CSMD1: variants seen among roughly 807,000 people sequenced by gnomAD.
CSMD1 encodes the protein CUB and sushi domain-containing protein 1.
CSMD1 carries 213 observed loss-of-function variants against 417.5 expected under a neutral mutation model. The ratio of observed to expected loss-of-function variants is 0.51; its 90% confidence interval spans 0.46 to 0.57. The LOEUF (loss-of-function observed/expected upper bound fraction) is 0.57, where lower values mean the gene tolerates loss of function less well. Among genes scored for constraint, CSMD1 ranks in the 20% least tolerant of loss-of-function variants. The probability of loss-of-function intolerance (pLI) is 0.00; values close to 1 mark genes in which losing one functional copy is unlikely to be tolerated. For synonymous variants in CSMD1, 2,862 were observed against 1,736.8 expected (o/e 1.65, Z -16.11); for missense variants, 6,923 against 4,529.7 (o/e 1.53, Z -15.17).
chr8:4,911,924 A>G (rs993809722), intron 1 of CSMD1, among the ~76,000 whole-genome samples: 3 of 152,142 alleles, frequency 2.0e-5, no homozygotes, highest in Non-Finnish European at 4.4e-5. Flanking sequence ...TTGTGGCAAC[A>G]TATTTTAGCT....
chr8:3,032,830 C>T (rs1205107684), intron 50 of CSMD1, among the ~76,000 whole-genome samples: 1 of 152,006 alleles, frequency 6.6e-6, no homozygotes, highest in African/African-American at 2.4e-5. Flanking sequence ...CTTGCACACC[C>T]TTAAAAGAAT....
chr8:4,043,734 A>G (rs1798008817), intron 3 of CSMD1, among the ~76,000 whole-genome samples: 1 of 152,204 alleles, frequency 6.6e-6, no homozygotes, highest in Non-Finnish European at 1.5e-5. Flanking sequence ...TTTATTACTA[A>G]TAGATACTAT....
intron 3 of CSMD1, among the ~76,000 whole-genome samples, chr8:4,253,723 C>T (rs1803243262): frequency 6.6e-6 from 1 of 151,482 alleles, no homozygotes; most frequent in Admixed American, 6.6e-5. Flanking sequence ...CTTAACTACA[C>T]ACATCAATTT....
intron 1 of CSMD1, among the ~76,000 whole-genome samples, chr8:4,789,514 A>T (rs946998286): frequency 6.6e-6 from 1 of 152,130 alleles, no homozygotes; most frequent in Non-Finnish European, 1.5e-5. Flanking sequence ...CACCTCACCT[A>T]TATAATTTTA....
intron 5 of CSMD1, among the ~76,000 whole-genome samples, chr8:3,964,038 T>G (rs1812510871): frequency 6.6e-6 from 1 of 152,232 alleles, no homozygotes; most frequent in Admixed American, 6.5e-5. Flanking sequence ...TTGCATAAAT[T>G]ACTTTCATTG....
At chr8:3,142,287 T>C (rs912972235) in intron 41 of CSMD1, among the ~76,000 whole-genome samples, 178 bp downstream of exon 41, 6 of 152,190 alleles carry the variant, frequency 3.9e-5, no homozygotes, top group Admixed American at 3.3e-4. Context: ...GTCTGTGTCC[T>C]TACCTCTGTT....
At chr8:4,792,528 G>A (rs1390456461) in intron 1 of CSMD1, among the ~76,000 whole-genome samples, 1 of 152,074 alleles carries the variant, frequency 6.6e-6, no homozygotes, top group Non-Finnish European at 1.5e-5. Context: ...TGTGCTTTGG[G>A]TGATCACGCA....
intron 5 of CSMD1, among the ~76,000 whole-genome samples, chr8:3,913,545 T>C (rs998771115): frequency 8.5e-5 from 13 of 152,144 alleles, no homozygotes; most frequent in Non-Finnish European, 1.8e-4. Flanking sequence ...TAGGTGCAAG[T>C]AATAATAAGG....
intron 2 of CSMD1, among the ~76,000 whole-genome samples, chr8:4,612,567 T>G: frequency 6.6e-6 from 1 of 152,144 alleles, no homozygotes; most frequent in South Asian, 2.1e-4. Flanking sequence ...GGAGGAACAG[T>G]GGAATGAATG....
At chr8:3,488,385 G>A (rs80123459) in intron 11 of CSMD1, among the ~76,000 whole-genome samples, 7,472 of 152,118 alleles carry the variant, frequency 0.049, 244 homozygotes, top group Non-Finnish European at 0.074. Context: ...CGGGATTATA[G>A]GCGTATACCA....
chr8:4,323,175 A>G (rs1210299982), intron 3 of CSMD1, among the ~76,000 whole-genome samples: 2 of 152,198 alleles, frequency 1.3e-5, no homozygotes, highest in South Asian at 4.1e-4. Context: ...TGGTTATACA[A>G]TTCTAATTTC....
chr8:4,845,232 T>C lies in CSMD1; in HGVS notation c.85+149100A>G, dbSNP rs151093870. Among the ~76,000 whole-genome samples the C allele has an allele frequency of 1.9e-3, 291 of 152,312 alleles. 1 individual carries two copies. The highest frequency in any genetic ancestry group is 3.2e-3 in the Non-Finnish European group (218 of 68,034). ...ACTACATATTTTGGTTATTGTACTG[T>C]TCAGTATTATATTTGATAAAGACAC... On this transcript the variant is annotated intron_variant, in intron 1 of 69. Transcript: ENST00000635120.
At chr8:4,330,635 TTTTA>T (rs1563062559) in intron 3 of CSMD1, among the ~76,000 whole-genome samples, 5 of 151,790 alleles carry the variant, frequency 3.3e-5, no homozygotes, top group East Asian at 1.9e-4. Flanking sequence ...TCTAATCATA[TTTTA>T]TTTGTTTTCA....
At chr8:3,881,619 A>AAC (rs924692389) in intron 5 of CSMD1, among the ~76,000 whole-genome samples, 3 of 139,342 alleles carry the variant, frequency 2.2e-5, no homozygotes, top group African/African-American at 9.0e-5. Context: ...AAAAAAAAAA[A>AAC]AAACAAAAAC....
At chr8:4,345,612 C>G (rs1448228423) in intron 3 of CSMD1, among the ~76,000 whole-genome samples, 1 of 151,904 alleles carries the variant, frequency 6.6e-6, no homozygotes, top group South Asian at 2.1e-4. Flanking sequence ...AAAACAAAAA[C>G]AAAAAGTACC....
At chr8:3,815,784 G>A (rs1274461668) in intron 5 of CSMD1, among the ~76,000 whole-genome samples, 6 of 152,056 alleles carry the variant, frequency 3.9e-5, no homozygotes, top group African/African-American at 1.4e-4. Flanking sequence ...TTGATCTATA[G>A]TAGTGAGCTA....
chr8:4,925,297 A>G (rs1179590123), intron 1 of CSMD1, among the ~76,000 whole-genome samples: 1 of 120,334 alleles, frequency 8.3e-6, no homozygotes, highest in African/African-American at 3.2e-5. Flanking sequence ...CTTGAAGGTT[A>G]ATTTCCAGAC....
chr8:4,026,883 T>G (rs1024131324), intron 4 of CSMD1, among the ~76,000 whole-genome samples: 2 of 152,094 alleles, frequency 1.3e-5, no homozygotes, highest in Admixed American at 6.6e-5. Context: ...TTTGGCAAGG[T>G]GTAGTATGCT....
chr8:4,146,113 G>C (rs1314546171), intron 3 of CSMD1, among the ~76,000 whole-genome samples: 1 of 150,918 alleles, frequency 6.6e-6, no homozygotes, highest in African/African-American at 2.5e-5. Context: ...CATAATGGCA[G>C]TCGGTGAGGA....
Sources: allele counts gnomAD v4.1 joint callset (sites outside exome capture counted in the v4.1 genomes callset), GRCh38; gene constraint gnomAD v4.1.1; transcripts MANE v1.5; gene names NCBI Gene and HGNC (gene_info 2026-07-23, HGNC 2026-07-21).